RBPJ: variants seen among roughly 807,000 people sequenced by gnomAD.
RBPJ encodes the protein recombination signal binding protein for immunoglobulin kappa J region, also known as recombining binding protein suppressor of hairless.
In RBPJ, 9 loss-of-function variants were observed where a neutral mutation model predicts 67.8. The ratio of observed to expected loss-of-function variants is 0.13; its 90% CI spans 0.08 to 0.23. The LOEUF (loss-of-function observed/expected upper bound fraction) is 0.23, where lower values mean the gene tolerates loss of function less well. Ranked by LOEUF, RBPJ falls within the 10% of genes least tolerant of loss-of-function variation. The pLI, the probability that RBPJ is intolerant of heterozygous loss-of-function variation, is 1.00. For synonymous variants in RBPJ, 198 were observed against 203.3 expected (o/e 0.97, Z 0.22); for missense variants, 305 against 595.6 (o/e 0.51, Z 5.08).
Position 26,431,451 on chromosome 4 carries a change from G to A in RBPJ, c.*444G>A. 1 of 159,690 alleles carries A rather than the reference G, an allele frequency of 6.3e-6. No homozygotes were observed. The highest frequency in any genetic ancestry group is 1.4e-5 in the Non-Finnish European group (1 of 72,552). 9.9% of individuals were successfully genotyped at this position (159,690 alleles called of 1,614,324 possible). A position where few individuals can be genotyped will look rare whatever the true frequency, so the allele number is the denominator to read the frequency against. ...TTCACCATACCTTTTTTTATATCAC[G>A]GTATTATAGTACACCTTGTTACCAA... On this transcript the variant is annotated 3_prime_UTR_variant, in exon 11 of 11. Transcript: ENST00000355476.
chr4:26,353,167 A>C (rs1348825273), intron 1 of RBPJ, among the ~76,000 whole-genome samples: 1 of 152,204 alleles, frequency 6.6e-6, no homozygotes, highest in Non-Finnish European at 1.5e-5. Flanking sequence ...TTCTTTAATC[A>C]TGAAAGGTTT....
chr4:26,153,909 C>G, the RBPJ span, among the ~76,000 whole-genome samples: 1 of 152,072 alleles, frequency 6.6e-6, no homozygotes, highest in Non-Finnish European at 1.5e-5. Context: ...GATCGTGCCA[C>G]TGCACTCCAG....
chr4:26,413,779 T>A (rs1734274362), intron 3 of RBPJ, among the ~76,000 whole-genome samples: 1 of 152,234 alleles, frequency 6.6e-6, no homozygotes, highest in South Asian at 2.1e-4. Flanking sequence ...TGCTGGTGTC[T>A]GCTTGTGTGT....
chr4:26,347,056 C>T (rs1379797225), intron 1 of RBPJ, among the ~76,000 whole-genome samples: 1 of 152,008 alleles, frequency 6.6e-6, no homozygotes, highest in African/African-American at 2.4e-5. Flanking sequence ...ATGCTTTACA[C>T]GTGTTGCCAG....
At chr4:26,371,464 C>G (rs371916950) in intron 1 of RBPJ, among the ~76,000 whole-genome samples, 1 of 152,096 alleles carries the variant, frequency 6.6e-6, no homozygotes, top group East Asian at 1.9e-4. Flanking sequence ...AAATACTGCC[C>G]AGGATTAAAA....
At chr4:26,105,881 G>A in the RBPJ span, among the ~76,000 whole-genome samples, 4 of 152,338 alleles carry the variant, frequency 2.6e-5, no homozygotes, top group South Asian at 2.1e-4. Context: ...CAAGGTGGCC[G>A]CCATGCCATC....
the RBPJ span, among the ~76,000 whole-genome samples, chr4:26,147,277 C>T: frequency 6.6e-6 from 1 of 152,232 alleles, no homozygotes; most frequent in Non-Finnish European, 1.5e-5. Context: ...AAACAGGACT[C>T]TGGGTCAAGG....
At chr4:26,354,832 A>AG (rs1356321036) in intron 1 of RBPJ, among the ~76,000 whole-genome samples, 4 of 152,182 alleles carry the variant, frequency 2.6e-5, no homozygotes, top group Admixed American at 2.0e-4. Context: ...TGTGATGTAA[A>AG]GGGGATACAG....
At chr4:26,239,327 G>A (rs759228226) in intron 1 of RBPJ, among the ~76,000 whole-genome samples, 6 of 152,156 alleles carry the variant, frequency 3.9e-5, no homozygotes, top group Non-Finnish European at 8.8e-5. Context: ...ATTTCTTTCT[G>A]AATAAGCAGT....
chr4:26,171,146 A>G (rs1233601009), intron 1 of RBPJ, among the ~76,000 whole-genome samples: 1 of 152,168 alleles, frequency 6.6e-6, no homozygotes, highest in Non-Finnish European at 1.5e-5. Flanking sequence ...TTCATCCTTA[A>G]TGTCATCACT....
intron 1 of RBPJ, among the ~76,000 whole-genome samples, chr4:26,263,327 C>G (rs967784937): frequency 2.7e-5 from 4 of 150,704 alleles, no homozygotes; most frequent in Non-Finnish European, 4.4e-5. Context: ...CGCCCCACCC[C>G]GTGCATCACT....
chr4:26,320,876 T>C (rs1463599265), upstream of RBPJ: 3 of 1,578,712 alleles, frequency 1.9e-6, no homozygotes, highest in South Asian at 3.5e-5. Flanking sequence ...GCGAGGCGTC[T>C]GGCTCTTCGC....
intron 1 of RBPJ, among the ~76,000 whole-genome samples, chr4:26,361,934 T>C (rs1728105034): frequency 6.6e-6 from 1 of 152,248 alleles, no homozygotes; most frequent in South Asian, 2.1e-4. Context: ...TGTTCATTTT[T>C]ATGAATGCCA....
At chr4:26,268,804 A>G (rs567248328) in intron 1 of RBPJ, among the ~76,000 whole-genome samples, 13 of 152,296 alleles carry the variant, frequency 8.5e-5, no homozygotes, top group African/African-American at 3.1e-4. Context: ...CCCCAAGTCC[A>G]CTTCATCATT....
At chr4:26,244,128 A>AATGTATAT in intron 1 of RBPJ, among the ~76,000 whole-genome samples, 1 of 143,870 alleles carries the variant, frequency 7.0e-6, no homozygotes, top group African/African-American at 2.6e-5. Flanking sequence ...GAAACTTTAA[A>AATGTATAT]ATGTATATAT....
intron 1 of RBPJ, among the ~76,000 whole-genome samples, chr4:26,281,707 G>C (rs1030914068): frequency 6.6e-6 from 1 of 152,126 alleles, no homozygotes; most frequent in Admixed American, 6.5e-5. Context: ...TATAAGCAAA[G>C]CAAGCTGTGT....
chr4:26,249,782 T>C (rs1445224457), intron 1 of RBPJ, among the ~76,000 whole-genome samples: 2 of 150,332 alleles, frequency 1.3e-5, no homozygotes, highest in African/African-American at 4.9e-5. Context: ...ACTTTCTCTT[T>C]TTTTTTTTCT....
At chr4:26,394,661 A>G (rs941683527) in intron 2 of RBPJ, among the ~76,000 whole-genome samples, 25 of 152,142 alleles carry the variant, frequency 1.6e-4, no homozygotes, top group African/African-American at 6.0e-4. Context: ...TGTTTCTTAG[A>G]TAAGAGTAGG....
At chr4:26,399,100 G>T (rs973835493) in intron 2 of RBPJ, among the ~76,000 whole-genome samples, 1 of 151,970 alleles carries the variant, frequency 6.6e-6, no homozygotes, top group Non-Finnish European at 1.5e-5. Flanking sequence ...AAACTTTTCT[G>T]CCGTAACCTT....
Sources: gnomAD v4.1 joint callset for allele counts (sites outside exome capture counted in the v4.1 genomes callset) on GRCh38, gnomAD v4.1.1 for gene constraint, MANE v1.5 for transcripts, NCBI Gene and HGNC (gene_info 2026-07-23, HGNC 2026-07-21) for gene names.